Variants in CTNND2 observed in about 807,000 individuals in gnomAD.
CTNND2 encodes the protein catenin delta 2, also known as catenin delta-2.
In CTNND2, 22 loss-of-function variants were observed where a neutral mutation model predicts 144.4. That is an observed-to-expected ratio of 0.15 (90% CI 0.11 to 0.22). CTNND2 has a LOEUF of 0.22. Among genes scored for constraint, CTNND2 ranks in the 10% least tolerant of loss-of-function variants. The probability of loss-of-function intolerance (pLI) is 1.00; values close to 1 mark genes in which losing one functional copy is unlikely to be tolerated. For synonymous variants in CTNND2, 751 were observed against 695.6 expected (o/e 1.08, Z -1.25); for missense variants, 1,353 against 1,618.8 (o/e 0.84, Z 2.82).
intron 1 of CTNND2, among the ~76,000 whole-genome samples, chr5:11,773,751 C>T (rs551583433): frequency 8.3e-5 from 12 of 144,822 alleles, no homozygotes; most frequent in South Asian, 4.3e-4. Flanking sequence ...GCGGAGGTTG[C>T]AGTGAGCCAA....
intron 16 of CTNND2, among the ~76,000 whole-genome samples, chr5:11,066,169 A>G (rs1747553774): frequency 6.6e-6 from 1 of 151,732 alleles, no homozygotes; most frequent in South Asian, 2.1e-4. Flanking sequence ...CCTCCCAAGT[A>G]GCTGGGACTA....
chr5:11,522,221 T>C (rs193009826), intron 3 of CTNND2, among the ~76,000 whole-genome samples: 1 of 152,242 alleles, frequency 6.6e-6, no homozygotes, highest in African/African-American at 2.4e-5. Flanking sequence ...AAATTTTCCA[T>C]GACAAACGTG....
intron 16 of CTNND2, among the ~76,000 whole-genome samples, chr5:11,067,129 C>T (rs566213780): frequency 2.0e-5 from 3 of 152,298 alleles, no homozygotes; most frequent in East Asian, 3.9e-4. Flanking sequence ...CAATTCAAAG[C>T]AAACACTGCC....
At chr5:11,878,888 G>A (rs76634247) in intron 1 of CTNND2, among the ~76,000 whole-genome samples, 3,822 of 152,282 alleles carry the variant, frequency 0.025, 80 homozygotes, top group African/African-American at 0.051. Context: ...TGGGAGTTTC[G>A]CTGCTAGCCT....
chr5:11,625,286 A>G (rs1257312914), intron 2 of CTNND2, among the ~76,000 whole-genome samples: 2 of 152,140 alleles, frequency 1.3e-5, no homozygotes, highest in East Asian at 1.9e-4. Context: ...TATGACATAC[A>G]TGCAAAAACT....
At chr5:11,274,071 T>TTC (rs1746282568) in intron 9 of CTNND2, among the ~76,000 whole-genome samples, 1 of 152,148 alleles carries the variant, frequency 6.6e-6, no homozygotes, top group African/African-American at 2.4e-5. Context: ...TCATAAAGAC[T>TTC]TCTCTTCAGA....
chr5:11,500,408 C>T (rs1442213956), intron 3 of CTNND2, among the ~76,000 whole-genome samples: 3 of 151,990 alleles, frequency 2.0e-5, no homozygotes, highest in East Asian at 3.9e-4. Flanking sequence ...TCTTTACAAC[C>T]CATCATAATA....
intron 11 of CTNND2, among the ~76,000 whole-genome samples, chr5:11,187,938 A>G (rs1735812538): frequency 6.6e-6 from 1 of 152,210 alleles, no homozygotes; most frequent in Non-Finnish European, 1.5e-5. Context: ...TGATTATTAA[A>G]AAGTCAAGAA....
rs540965519 is a variant in CTNND2 at position 11,436,497 on chromosome 5, C to T, written c.288-24428G>A. Reference sequence around the variant, plus strand: ...TGACAGGGCCTTGTTCCTCATCATGCACAGTATTTTGAAGTATTTTTACAT... The same window carrying T: ...TGACAGGGCCTTGTTCCTCATCATGTACAGTATTTTGAAGTATTTTTACAT... On this transcript the variant is annotated intron_variant, in intron 3 of 21. Transcript: ENST00000304623. Among the ~76,000 whole-genome samples, 21 of 152,286 alleles carry T rather than the reference C, an allele frequency of 1.4e-4. No homozygotes were observed. The South Asian group carries it at 2.3e-3, about 17-fold the overall frequency.
intron 2 of CTNND2, among the ~76,000 whole-genome samples, chr5:11,589,315 CA>C (rs1380488786): frequency 9.6e-6 from 1 of 104,132 alleles, no homozygotes; most frequent in African/African-American, 3.1e-5. Context: ...ACACACACGA[CA>C]ACAACAACAA....
chr5:11,418,749 T>A (rs1219089855), intron 3 of CTNND2, among the ~76,000 whole-genome samples: 1 of 152,170 alleles, frequency 6.6e-6, no homozygotes, highest in Non-Finnish European at 1.5e-5. Context: ...TCCTTTTATC[T>A]TTTAATTCCA....
chr5:11,825,113 A>C (rs1793529783), intron 1 of CTNND2, among the ~76,000 whole-genome samples: 1 of 152,206 alleles, frequency 6.6e-6, no homozygotes, highest in Non-Finnish European at 1.5e-5. Flanking sequence ...AAAGAAAAAA[A>C]ACTACCAGGA....
At chr5:11,849,626 G>T (rs1306273233) in intron 1 of CTNND2, among the ~76,000 whole-genome samples, 1 of 152,164 alleles carries the variant, frequency 6.6e-6, no homozygotes, top group African/African-American at 2.4e-5. Context: ...GCCCTTAACT[G>T]GAAAGGTAGG....
rs528761927 is a variant in CTNND2, at chr5:11,155,865, C to T, written c.2159+3711G>A. 3.5e-4 allele frequency among the ~76,000 whole-genome samples: 53 copies of T among 152,328 alleles called. No homozygotes were observed. The South Asian group carries it at 3.7e-3, about 11-fold the overall frequency. On this transcript the variant is annotated intron_variant, in intron 12 of 21. Coordinates refer to ENST00000304623, the MANE Select transcript of CTNND2 (RefSeq NM_001332.4). ...CTAAGGGCATTAACTTTTCATTTTA[C>T]ATTTCATATGTGCTTAAATTTTTGC... is the stretch of plus-strand genomic sequence containing the variant.
chr5:11,577,747 T>G (rs1340016688), intron 2 of CTNND2, among the ~76,000 whole-genome samples: 1 of 152,230 alleles, frequency 6.6e-6, no homozygotes, highest in African/African-American at 2.4e-5. Context: ...TTTCTTCGTT[T>G]ACTGAATTTG....
At chr5:11,129,169 T>TAA (rs1356317941) in intron 12 of CTNND2, among the ~76,000 whole-genome samples, 543 of 19,238 alleles carry the variant, frequency 0.028, 122 homozygotes, top group Non-Finnish European at 0.037. Context: ...ATATTATATA[T>TAA]TATATATTTT....
chr5:11,443,414 T>G, intron 3 of CTNND2, among the ~76,000 whole-genome samples: 1 of 131,296 alleles, frequency 7.6e-6, no homozygotes, highest in African/African-American at 2.8e-5. Flanking sequence ...GGGGGGGGTG[T>G]GTGGTGTGTG....
At chr5:11,883,994 G>C (rs1207215641) in intron 1 of CTNND2, among the ~76,000 whole-genome samples, 1 of 152,114 alleles carries the variant, frequency 6.6e-6, no homozygotes. Context: ...AGAAGTGTCT[G>C]TTCATATCCT....
chr5:11,077,122 T>G (rs766867051), intron 16 of CTNND2, among the ~76,000 whole-genome samples: 5 of 152,034 alleles, frequency 3.3e-5, no homozygotes, highest in African/African-American at 7.2e-5. Context: ...GGTTCAGTCA[T>G]TTTTTTTCTG....
Sources: gnomAD v4.1 joint callset for allele counts (sites outside exome capture counted in the v4.1 genomes callset) on GRCh38, gnomAD v4.1.1 for gene constraint, MANE v1.5 for transcripts, NCBI Gene and HGNC (gene_info 2026-07-23, HGNC 2026-07-21) for gene names.